The following PKNOX1 variants were observed in gnomAD, a reference collection of about 807,000 sequenced individuals.
The protein encoded by PKNOX1 is PBX/knotted 1 homeobox 1.
PKNOX1 carries 15 observed loss-of-function variants against 51.9 expected under a neutral mutation model. That is an observed-to-expected ratio of 0.29 (90% CI 0.19 to 0.45). PKNOX1 has a LOEUF of 0.45. Ranked by LOEUF, PKNOX1 falls within the 20% of genes least tolerant of loss-of-function variation. The probability of loss-of-function intolerance (pLI) is 1.00; values close to 1 mark genes in which losing one functional copy is unlikely to be tolerated. For synonymous variants in PKNOX1, 219 were observed against 211.1 expected, an observed-to-expected ratio of 1.04 and a Z score of -0.32; for missense variants, 462 against 547.5, an observed-to-expected ratio of 0.84 and a Z score of 1.56.
intron 10 of PKNOX1, among the ~76,000 whole-genome samples, chr21:43,029,588 C>T (rs890902608): frequency 1.3e-5 from 2 of 151,662 alleles, no homozygotes; most frequent in African/African-American, 2.4e-5. Flanking sequence ...CCTGCCACCA[C>T]GCCCGGCTAA....
chr21:43,019,535 T>C (rs1056189642), intron 7 of PKNOX1, among the ~76,000 whole-genome samples: 8 of 152,144 alleles, frequency 5.3e-5, no homozygotes, highest in African/African-American at 1.9e-4. Flanking sequence ...TACCCAACAT[T>C]GAGAAAGCAT....
chr21:43,003,543 C>T (rs9984563), intron 1 of PKNOX1, among the ~76,000 whole-genome samples: 22,179 of 152,116 alleles, frequency 0.15, 1,916 homozygotes, highest in African/African-American at 0.24. Flanking sequence ...CCTGTCTCTC[C>T]AGTCTCGACG....
At chr21:43,026,980 C>T (rs1292619201) in intron 9 of PKNOX1, among the ~76,000 whole-genome samples, 1 of 151,984 alleles carries the variant, frequency 6.6e-6, no homozygotes, top group Non-Finnish European at 1.5e-5. Context: ...AACCTTAGAG[C>T]TGATCCAGTT....
chr21:43,000,560 G>A (rs1356332660), intron 1 of PKNOX1, among the ~76,000 whole-genome samples: 1 of 152,108 alleles, frequency 6.6e-6, no homozygotes, highest in East Asian at 1.9e-4. Context: ...CTCCCACTGG[G>A]TCCCTCCCAC....
chr21:43,029,717 T>C (rs188482663), intron 10 of PKNOX1, among the ~76,000 whole-genome samples, 173 bp from the exon 11 acceptor site: 3,025 of 145,940 alleles, frequency 0.021, 20 homozygotes, highest in Non-Finnish European at 0.032. Context: ...AGGCATGAGC[T>C]ACCGCGCCCG....
Position 43,030,190 on chromosome 21 carries a change from T to C in PKNOX1, c.*89T>C. 1 of 1,029,336 alleles carries C rather than the reference T, an allele frequency of 9.7e-7. No homozygotes were observed. Among genetic ancestry groups the C allele is most frequent in the Non-Finnish European group, 1.4e-6 (1 of 717,368 alleles). 63.8% of individuals were successfully genotyped at this position (1,029,336 alleles called of 1,614,324 possible). A position where few individuals can be genotyped will look rare whatever the true frequency, so the allele number is the denominator to read the frequency against. ...TTCTAATATGTTTTATATGTAGATATAGAAGAGTGCACTTTTGTATTTCAT... is the reference window on the plus strand; with the variant it reads ...TTCTAATATGTTTTATATGTAGATACAGAAGAGTGCACTTTTGTATTTCAT... On this transcript the variant is annotated 3_prime_UTR_variant, in exon 11 of 11. Coordinates refer to ENST00000291547, the MANE Select transcript of PKNOX1 (RefSeq NM_004571.5).
At position 43,032,937 on chromosome 21, in the gene PKNOX1, G is replaced by C. The variant is rs1254537704; in HGVS notation, c.*2836G>C. 1 of 152,204 alleles carries C rather than the reference G, an allele frequency of 6.6e-6. No individual in the cohort carries two copies. The highest frequency in any genetic ancestry group is 2.4e-5 in the African/African-American group (1 of 41,448). 9.4% of individuals were successfully genotyped at this position (152,204 alleles called of 1,614,324 possible). A position where few individuals can be genotyped will look rare whatever the true frequency, so the allele number is the denominator to read the frequency against. On this transcript the variant is annotated 3_prime_UTR_variant, in exon 11 of 11. Coordinates refer to ENST00000291547, the MANE Select transcript of PKNOX1 (RefSeq NM_004571.5). ...GGTCAGTTGGCACCTTAAAACACCTGTTCTCCAGCCCTTGGACAGTGGAGA... is the reference window on the plus strand; with the variant it reads ...GGTCAGTTGGCACCTTAAAACACCTCTTCTCCAGCCCTTGGACAGTGGAGA...
chr21:43,027,514 A>T (rs1980032062), intron 9 of PKNOX1, among the ~76,000 whole-genome samples: 1 of 152,218 alleles, frequency 6.6e-6, no homozygotes, highest in Admixed American at 6.5e-5. Context: ...TAAAGGCAAC[A>T]GCTCATAGCA....
At chr21:43,001,242 C>T (rs1208053642) in intron 1 of PKNOX1, among the ~76,000 whole-genome samples, 5 of 152,212 alleles carry the variant, frequency 3.3e-5, no homozygotes, top group African/African-American at 1.2e-4. Flanking sequence ...TCCGTTATAC[C>T]AGGCTGCTGT....
intron 1 of PKNOX1, among the ~76,000 whole-genome samples, chr21:42,992,763 A>T (rs2146242600): frequency 7.6e-6 from 1 of 132,190 alleles, no homozygotes; most frequent in East Asian, 2.4e-4. Flanking sequence ...CCCTCATAGC[A>T]TTGGGGGCTT....
chr21:43,018,541 A>G (rs1979615406), intron 7 of PKNOX1, among the ~76,000 whole-genome samples: 1 of 124,460 alleles, frequency 8.0e-6, no homozygotes, highest in African/African-American at 3.1e-5. Context: ...TCCAGTGCTA[A>G]CGTTGGATCA....
intron 1 of PKNOX1, among the ~76,000 whole-genome samples, chr21:42,996,736 A>T (rs1304458043): frequency 2.0e-5 from 3 of 152,034 alleles, no homozygotes; most frequent in East Asian, 1.9e-4. Context: ...GCTAATTTTT[A>T]AAAAAATTTG....
intron 2 of PKNOX1, 25 bp from the exon 3 acceptor site, chr21:43,007,466 A>G: frequency 6.2e-7 from 1 of 1,611,598 alleles, no homozygotes; most frequent in Non-Finnish European, 8.5e-7. Context: ...GTTTGCTAAT[A>G]AGAATTATCT....
chr21:43,018,257 T>A, intron 7 of PKNOX1, 27 bp downstream of exon 7: 2 of 1,509,018 alleles, frequency 1.3e-6, no homozygotes, highest in Non-Finnish European at 1.8e-6. Flanking sequence ...ATGGAAGGCT[T>A]TGGGGGCGAG....
intron 1 of PKNOX1, among the ~76,000 whole-genome samples, chr21:42,975,576 C>G (rs1205517080): frequency 6.6e-6 from 1 of 152,212 alleles, no homozygotes; most frequent in African/African-American, 2.4e-5. Context: ...TTATGTCATC[C>G]TCGTGGCTCT....
At chr21:42,987,398 AAAAAAAAT>A (rs1182800165) in intron 1 of PKNOX1, among the ~76,000 whole-genome samples, 28 of 91,822 alleles carry the variant, frequency 3.0e-4, no homozygotes, top group African/African-American at 5.4e-4. Flanking sequence ...AAAAAAAAAA[AAAAAAAAT>A]ATATATATAT....
At chr21:42,998,669 T>C (rs1978614334) in intron 1 of PKNOX1, among the ~76,000 whole-genome samples, 1 of 152,168 alleles carries the variant, frequency 6.6e-6, no homozygotes, top group Non-Finnish European at 1.5e-5. Context: ...CAGGCTCCCA[T>C]GTAAGTCTGA....
chr21:42,975,764 G>A (rs1429008025), intron 1 of PKNOX1, among the ~76,000 whole-genome samples: 1 of 152,256 alleles, frequency 6.6e-6, no homozygotes, highest in African/African-American at 2.4e-5. Flanking sequence ...TGTTCCACCT[G>A]TGTGTGGGGT....
intron 4 of PKNOX1, among the ~76,000 whole-genome samples, chr21:43,010,937 C>G (rs1275746724): frequency 6.6e-6 from 1 of 152,068 alleles, no homozygotes; most frequent in East Asian, 1.9e-4. Flanking sequence ...GGATTCAGTT[C>G]TCTGCACAGT....
Sources: gnomAD v4.1 joint callset for allele counts (sites outside exome capture counted in the v4.1 genomes callset) on GRCh38, gnomAD v4.1.1 for gene constraint, MANE v1.5 for transcripts, NCBI Gene and HGNC (gene_info 2026-07-23, HGNC 2026-07-21) for gene names.